OTUB2: variants seen among roughly 807,000 people sequenced by gnomAD.
OTUB2 encodes OTU deubiquitinase, ubiquitin aldehyde binding 2.
Under a neutral mutation model 25.1 loss-of-function variants are expected in OTUB2, and 21 were observed. The observed-to-expected ratio is 0.84, with a 90% confidence interval of 0.59 to 1.21. OTUB2 has a LOEUF of 1.21. Ranked by LOEUF, OTUB2 falls within the 50% of genes most tolerant of loss-of-function variation. OTUB2 has a pLI of 0.00. For synonymous variants in OTUB2, 122 were observed against 122.8 expected (o/e 0.99, Z 0.04); for missense variants, 283 against 298.0 (o/e 0.95, Z 0.37).
chr14:94,036,405 T>C (rs761366818), intron 1 of OTUB2, among the ~76,000 whole-genome samples: 1 of 152,208 alleles, frequency 6.6e-6, no homozygotes, highest in Non-Finnish European at 1.5e-5. Flanking sequence ...TATTTTAAGC[T>C]GTAAACTATA....
chr14:94,039,395 A>AACAAAC, intron 3 of OTUB2: 1 of 356,978 alleles, frequency 2.8e-6, no homozygotes, highest in South Asian at 4.9e-5. Flanking sequence ...AAGAAAAGAA[A>AACAAAC]AGACAAACAA....
At chr14:94,041,788 C>T (rs1047549942) in intron 3 of OTUB2, among the ~76,000 whole-genome samples, 1 of 152,244 alleles carries the variant, frequency 6.6e-6, no homozygotes, top group African/African-American at 2.4e-5. Flanking sequence ...CTAGGTAGCC[C>T]TGCTTCTGAC....
chr14:94,046,047 A>C lies in OTUB2; in HGVS notation c.*125A>C, dbSNP rs951664348. ...AAGAAAATGTGCAGCCTTTTGGGCA[A>C]AGCCCCTGGGAACGAGGCCTATCCA... On this transcript the variant is annotated 3_prime_UTR_variant, in exon 6 of 6. Transcript: ENST00000203664. The C allele has an allele frequency of 1.8e-6, 2 of 1,127,196 alleles. No homozygotes were observed. Among genetic ancestry groups the C allele is most frequent in the Non-Finnish European group, 2.6e-6 (2 of 782,188 alleles). The allele number at this position is 1,127,196 out of a possible 1,614,324, so 69.8% of individuals were successfully genotyped here.
At chr14:94,043,054 T>G (rs986476979) in intron 3 of OTUB2, among the ~76,000 whole-genome samples, 1 of 152,102 alleles carries the variant, frequency 6.6e-6, no homozygotes, top group East Asian at 1.9e-4. Context: ...TCTAGGCAAA[T>G]ACTCCTCCTT....
At chr14:94,037,812 G>T (rs1885085673) in intron 2 of OTUB2, among the ~76,000 whole-genome samples, 1 of 152,230 alleles carries the variant, frequency 6.6e-6, no homozygotes, top group Non-Finnish European at 1.5e-5. Context: ...TGGCCATTTA[G>T]TTCATGAGTG....
intron 1 of OTUB2, among the ~76,000 whole-genome samples, chr14:94,036,833 C>T (rs558407123): frequency 1.3e-5 from 2 of 152,306 alleles, no homozygotes; most frequent in Admixed American, 1.3e-4. Context: ...CAGTGCCACA[C>T]ACTGCGGCCT....
chr14:94,042,552 C>T (rs1463419776), intron 3 of OTUB2, among the ~76,000 whole-genome samples: 2 of 152,188 alleles, frequency 1.3e-5, no homozygotes, highest in East Asian at 1.9e-4. Context: ...CATGCAGGGA[C>T]AGAGTGGCTA....
chr14:94,037,401 A>G lies in OTUB2; in HGVS notation c.25A>G (p.Ile9Val), dbSNP rs1316455133. 1 of 1,596,768 alleles carries G rather than the reference A, an allele frequency of 6.3e-7. No individual in the cohort carries two copies. Among genetic ancestry groups the G allele is most frequent in the Admixed American group, 1.7e-5 (1 of 59,838 alleles). ...TCAGAGTGAAACATCTTTCAACCTA[A>G]TATCAGAAAAATGTGACATTCTATC... Reference protein sequence around the residue: MSETSFNLISEKCDILSIL... With the variant: MSETSFNLVSEKCDILSIL... Residue 9 changes from isoleucine to valine, a missense_variant, in exon 2 of 6, where the codon ATA (isoleucine) becomes GTA (valine). Coordinates refer to ENST00000203664, the MANE Select transcript of OTUB2 (RefSeq NM_023112.4).
chr14:94,031,517 G>A (rs1337504162), intron 1 of OTUB2, among the ~76,000 whole-genome samples: 1 of 152,078 alleles, frequency 6.6e-6, no homozygotes. Context: ...ATTAGGGATG[G>A]GGTATCAGGG....
intron 1 of OTUB2, among the ~76,000 whole-genome samples, chr14:94,033,679 G>A (rs1230248674): frequency 6.6e-6 from 1 of 152,186 alleles, no homozygotes; most frequent in Non-Finnish European, 1.5e-5. Flanking sequence ...GATAAATAAC[G>A]GGACTTTGGA....
intron 1 of OTUB2, among the ~76,000 whole-genome samples, chr14:94,030,334 A>G (rs577069561): frequency 3.4e-5 from 5 of 148,972 alleles, no homozygotes; most frequent in Non-Finnish European, 7.4e-5. Context: ...GGGGAGCTGG[A>G]GAAGCCTGTC....
rs559899377 is a variant in OTUB2 at position 94,047,139 on chromosome 14, T to C, written c.*1217T>C. 6.6e-6 allele frequency: 1 copy of C among 152,278 alleles called. No individual in the cohort carries two copies. Among genetic ancestry groups the C allele is most frequent in the African/African-American group, 2.4e-5 (1 of 41,560 alleles). 9.4% of individuals were successfully genotyped at this position (152,278 alleles called of 1,614,324 possible). On this transcript the variant is annotated 3_prime_UTR_variant, in exon 6 of 6. Coordinates refer to ENST00000203664, the MANE Select transcript of OTUB2 (RefSeq NM_023112.4). ...AGGTGCTGCTAGCAACCTCTCTTCCTCTATAAGAGGAAATGGAAAATGCAG... is the reference window on the plus strand; with the variant it reads ...AGGTGCTGCTAGCAACCTCTCTTCCCCTATAAGAGGAAATGGAAAATGCAG...
intron 1 of OTUB2, among the ~76,000 whole-genome samples, chr14:94,027,317 A>C (rs1010826556): frequency 1.3e-5 from 2 of 152,286 alleles, no homozygotes; most frequent in East Asian, 1.9e-4. Flanking sequence ...TTTGTGTTAC[A>C]TCGGCTCACC....
chr14:94,044,889 T>C, intron 5 of OTUB2, 109 bp downstream of exon 5: 2 of 1,169,406 alleles, frequency 1.7e-6, no homozygotes, highest in South Asian at 1.6e-5. Flanking sequence ...ACGACTGCCC[T>C]TGCAATTCAA....
At chr14:94,032,422 TAA>T (rs1884981205) in intron 1 of OTUB2, among the ~76,000 whole-genome samples, 1 of 152,206 alleles carries the variant, frequency 6.6e-6, no homozygotes, top group Non-Finnish European at 1.5e-5. Flanking sequence ...ATTTCATTTA[TAA>T]GAGGTACCTA....
At chr14:94,040,104 C>A (rs1252222158) in intron 3 of OTUB2, among the ~76,000 whole-genome samples, 1 of 152,168 alleles carries the variant, frequency 6.6e-6, no homozygotes, top group African/African-American at 2.4e-5. Context: ...TGCCAAAAAC[C>A]TCTTTCGGTG....
At chr14:94,040,616 GCT>G (rs1885142999) in intron 3 of OTUB2, among the ~76,000 whole-genome samples, 1 of 152,212 alleles carries the variant, frequency 6.6e-6, no homozygotes, top group Non-Finnish European at 1.5e-5. Context: ...CAGCCCACGT[GCT>G]CTGTTTACCT....
intron 1 of OTUB2, among the ~76,000 whole-genome samples, chr14:94,032,762 TA>T (rs1381917431): frequency 6.6e-6 from 1 of 152,096 alleles, no homozygotes; most frequent in African/African-American, 2.4e-5. Flanking sequence ...AGACTACCCA[TA>T]GGGGCATGGG....
At position 94,048,506 on chromosome 14, in the gene OTUB2, CCCCAATT is replaced by C. The variant is rs1339749983; in HGVS notation, c.*2590_*2596del. 6.6e-6 allele frequency: 1 copy of C among 152,212 alleles called. No homozygotes were observed. The highest frequency in any genetic ancestry group is 2.4e-5 in the African/African-American group (1 of 41,442). The allele number at this position is 152,212 out of a possible 1,614,324, so 9.4% of individuals were successfully genotyped here. A position where few individuals can be genotyped will look rare whatever the true frequency, so the allele number is the denominator to read the frequency against. On this transcript the variant is annotated 3_prime_UTR_variant, in exon 6 of 6. Transcript: ENST00000203664. ...GGCCAAGTCACTTCACCTCCCTGAG[CCCCAATT>C]CCCAAGTTTGTGAAATGGCAACAAT...
Sources: allele counts gnomAD v4.1 joint callset (sites outside exome capture counted in the v4.1 genomes callset), GRCh38; gene constraint gnomAD v4.1.1; transcripts MANE v1.5; gene names NCBI Gene and HGNC (gene_info 2026-07-23, HGNC 2026-07-21).